STK32B: variants seen among roughly 807,000 people sequenced by gnomAD.
STK32B encodes serine/threonine-protein kinase 32B.
Under a neutral mutation model 52.6 loss-of-function variants are expected in STK32B, and 43 were observed. The ratio of observed to expected loss-of-function variants is 0.82; its 90% confidence interval spans 0.64 to 1.05. The LOEUF is 1.05. Among genes scored for constraint, STK32B ranks in the 50% least tolerant of loss-of-function variants. STK32B has a pLI of 0.00. For synonymous variants in STK32B, 238 were observed against 204.3 expected (o/e 1.17, Z -1.41); for missense variants, 621 against 534.6 (o/e 1.16, Z -1.59).
chr4:5,260,757 A>G (rs904259391), intron 3 of STK32B, among the ~76,000 whole-genome samples: 4 of 152,170 alleles, frequency 2.6e-5, no homozygotes, highest in African/African-American at 9.7e-5. Context: ...AGACTCTGAC[A>G]TGGAAGTTAG....
the STK32B span, among the ~76,000 whole-genome samples, chr4:5,036,996 C>T: frequency 2.0e-5 from 3 of 152,146 alleles, no homozygotes; most frequent in Non-Finnish European, 4.4e-5. Flanking sequence ...CACACAACAG[C>T]TCTCTGGCAA....
intron 3 of STK32B, among the ~76,000 whole-genome samples, chr4:5,320,233 A>G (rs1285919791): frequency 2.6e-5 from 4 of 152,112 alleles, no homozygotes; most frequent in African/African-American, 7.2e-5. Flanking sequence ...TGGTTGATGA[A>G]TGATTCCCCC....
chr4:5,297,509 T>C (rs1370323249), intron 3 of STK32B, among the ~76,000 whole-genome samples: 2 of 152,132 alleles, frequency 1.3e-5, no homozygotes, highest in Non-Finnish European at 2.9e-5. Flanking sequence ...GTCTTCACGC[T>C]TTATTTTATT....
chr4:5,493,885 G>A (rs1271525100), intron 11 of STK32B, among the ~76,000 whole-genome samples: 2 of 152,256 alleles, frequency 1.3e-5, no homozygotes, highest in Non-Finnish European at 2.9e-5. Context: ...GTAGTTGAGT[G>A]GTTTTGCGTT....
At chr4:5,298,332 T>C (rs1474643645) in intron 3 of STK32B, among the ~76,000 whole-genome samples, 2 of 152,206 alleles carry the variant, frequency 1.3e-5, no homozygotes, top group African/African-American at 4.8e-5. Context: ...GATCTGCTGC[T>C]GTCTTCAGAG....
At chr4:5,232,960 G>A (rs904475176) in intron 3 of STK32B, among the ~76,000 whole-genome samples, 10 of 152,166 alleles carry the variant, frequency 6.6e-5, no homozygotes, top group Admixed American at 6.5e-4. Context: ...TCTCCACACA[G>A]CTCCCTTTGT....
At chr4:5,425,541 A>G (rs548796323) in intron 6 of STK32B, among the ~76,000 whole-genome samples, 1 of 152,132 alleles carries the variant, frequency 6.6e-6, no homozygotes, top group Non-Finnish European at 1.5e-5. Context: ...CTGAAAACAC[A>G]TGTGTGAATA....
In STK32B at chr4:5,468,910, C is replaced by T. The variant is rs952412235; in HGVS notation, c.1106+840C>T. On this transcript the variant is annotated intron_variant, in intron 11 of 11. Transcript: ENST00000282908. ...CTAAAAATACAAAAAGTTAGCTGTGCGCAGTGGCGGGCACCTGTAGTCCCA... is the reference window on the plus strand; with the variant it reads ...CTAAAAATACAAAAAGTTAGCTGTGTGCAGTGGCGGGCACCTGTAGTCCCA... 5.9e-5 allele frequency among the ~76,000 whole-genome samples: 9 copies of T among 152,040 alleles called. No homozygotes were observed. In the South Asian group the frequency reaches 8.3e-4, roughly 14 times the overall value.
intron 2 of STK32B, among the ~76,000 whole-genome samples, chr4:5,142,959 G>A (rs559950092): frequency 1.7e-4 from 26 of 152,196 alleles, no homozygotes; most frequent in Admixed American, 2.6e-4. Flanking sequence ...CCTCCTGGTG[G>A]CCTTTGGACT....
chr4:5,379,054 A>G (rs1047362135), intron 4 of STK32B, among the ~76,000 whole-genome samples: 4 of 141,474 alleles, frequency 2.8e-5, no homozygotes, highest in African/African-American at 1.0e-4. Flanking sequence ...AGGGAGCACC[A>G]AGGAGAGAAA....
intron 1 of STK32B, among the ~76,000 whole-genome samples, chr4:5,133,429 A>C (rs532915461): frequency 6.6e-6 from 1 of 152,270 alleles, no homozygotes; most frequent in South Asian, 2.1e-4. Flanking sequence ...ACTCCCTCAG[A>C]GAGCTCCCTA....
At position 5,368,495 on chromosome 4, in the gene STK32B, C is replaced by T. The variant is rs141837353; in HGVS notation, c.435-29712C>T. Among the ~76,000 whole-genome samples the T allele has an allele frequency of 1.5e-3, 225 of 152,222 alleles. 2 individuals carry two copies. Among genetic ancestry groups the T allele is most frequent in the African/African-American group, 5.2e-3 (215 of 41,516 alleles). ...ATGATAAGGGCTTTGCTTTCAGTAACTCACTAATCCTCACAACAACGTCAT... is the reference window on the plus strand; with the variant it reads ...ATGATAAGGGCTTTGCTTTCAGTAATTCACTAATCCTCACAACAACGTCAT... On this transcript the variant is annotated intron_variant, in intron 4 of 11. Coordinates refer to ENST00000282908, the MANE Select transcript of STK32B (RefSeq NM_018401.3).
intron 3 of STK32B, among the ~76,000 whole-genome samples, chr4:5,296,463 A>G (rs1337265275): frequency 2.0e-5 from 3 of 152,174 alleles, no homozygotes; most frequent in Non-Finnish European, 4.4e-5. Flanking sequence ...GGGTGCATAT[A>G]TATTTAGGAT....
At chr4:5,176,890 T>C (rs1236953433) in intron 3 of STK32B, among the ~76,000 whole-genome samples, 3 of 152,170 alleles carry the variant, frequency 2.0e-5, no homozygotes, top group Non-Finnish European at 4.4e-5. Flanking sequence ...TTTATTTCTA[T>C]CATAAGCAAG....
chr4:5,102,331 G>C (rs908944956), intron 1 of STK32B, among the ~76,000 whole-genome samples: 1 of 152,138 alleles, frequency 6.6e-6, no homozygotes, highest in Non-Finnish European at 1.5e-5. Context: ...CTGCACCACC[G>C]GAGGTGTTCA....
At chr4:5,307,548 CTT>C (rs558277345) in intron 3 of STK32B, among the ~76,000 whole-genome samples, 31 of 137,342 alleles carry the variant, frequency 2.3e-4, no homozygotes, top group African/African-American at 4.5e-4. Context: ...TATGCTCTAT[CTT>C]TTTTTTTTTT....
chr4:5,262,729 T>C (rs1309455378), intron 3 of STK32B, among the ~76,000 whole-genome samples: 1 of 151,990 alleles, frequency 6.6e-6, no homozygotes, highest in African/African-American at 2.4e-5. Context: ...AGCATGTAAA[T>C]GTGATCTCAT....
rs139331791 is a variant in STK32B at position 5,178,374 on chromosome 4, C to G, written c.260+9924C>G. ...CTGCACAAAAAACAAGGCCCTGGGC[C>G]TGGCCCATGAAACTATTTTTCCCCC... is the stretch of plus-strand genomic sequence containing the variant. On this transcript the variant is annotated intron_variant, in intron 3 of 11. Transcript: ENST00000282908. 2.1e-4 allele frequency among the ~76,000 whole-genome samples: 32 copies of G among 152,316 alleles called. 1 individual carries two copies. The highest frequency in any genetic ancestry group is 7.5e-4 in the African/African-American group (31 of 41,568).
chr4:5,272,646 T>C (rs1351885300), intron 3 of STK32B, among the ~76,000 whole-genome samples: 10 of 152,110 alleles, frequency 6.6e-5, no homozygotes, highest in Non-Finnish European at 1.3e-4. Flanking sequence ...AACAGAGATA[T>C]AGATCAATGG....
Sources: allele counts gnomAD v4.1 joint callset (sites outside exome capture counted in the v4.1 genomes callset), GRCh38; gene constraint gnomAD v4.1.1; transcripts MANE v1.5; gene names NCBI Gene and HGNC (gene_info 2026-07-23, HGNC 2026-07-21).